SUGCT: variants seen among roughly 807,000 people sequenced by gnomAD.
SUGCT encodes the protein succinyl-CoA:glutarate-CoA transferase, also known as succinyl-CoA:glutarate CoA-transferase.
In SUGCT, 41 loss-of-function variants were observed where a neutral mutation model predicts 55.0. The ratio of observed to expected loss-of-function variants is 0.74; its 90% CI spans 0.58 to 0.97. The LOEUF is 0.97. Ranked by LOEUF, SUGCT falls within the 50% of genes least tolerant of loss-of-function variation. The pLI is 0.00. For missense variants in SUGCT, 568 were observed against 547.8 expected, an observed-to-expected ratio of 1.04 and a Z score of -0.37; for synonymous variants, 187 against 200.4, an observed-to-expected ratio of 0.93 and a Z score of 0.56.
At chr7:40,875,047 G>A in the SUGCT span, among the ~76,000 whole-genome samples, 12 of 152,300 alleles carry the variant, frequency 7.9e-5, no homozygotes, top group South Asian at 2.1e-4. Flanking sequence ...TTAAAATGGC[G>A]GTAGCAATTT....
chr7:40,958,580 C>G, the SUGCT span, among the ~76,000 whole-genome samples: 35 of 151,896 alleles, frequency 2.3e-4, no homozygotes, highest in Non-Finnish European at 1.8e-4. Flanking sequence ...TATCAAGGTT[C>G]TTAGCTTCCT....
At chr7:40,487,173 C>A (rs929069707) in intron 11 of SUGCT, among the ~76,000 whole-genome samples, 1 of 148,758 alleles carries the variant, frequency 6.7e-6, no homozygotes, top group Admixed American at 6.7e-5. Context: ...CAATCTCCAC[C>A]GCCCAGGTTC....
intron 6 of SUGCT, among the ~76,000 whole-genome samples, chr7:40,210,202 C>T (rs547174408): frequency 1.3e-5 from 2 of 152,002 alleles, no homozygotes; most frequent in East Asian, 1.9e-4. Context: ...TGTGCCACCA[C>T]GCCCAGCTAT....
At chr7:40,231,787 A>T (rs989377705) in intron 6 of SUGCT, among the ~76,000 whole-genome samples, 1 of 152,194 alleles carries the variant, frequency 6.6e-6, no homozygotes, top group African/African-American at 2.4e-5. Context: ...AAAGTAGTGT[A>T]CTGATTTACC....
intron 11 of SUGCT, among the ~76,000 whole-genome samples, chr7:40,465,924 C>G (rs1790081871): frequency 6.6e-6 from 1 of 152,060 alleles, no homozygotes; most frequent in Admixed American, 6.6e-5. Context: ...CTCTGTCACC[C>G]AGGCTAGCGT....
chr7:40,468,561 T>C (rs1161060647), intron 11 of SUGCT, among the ~76,000 whole-genome samples: 1 of 152,178 alleles, frequency 6.6e-6, no homozygotes, highest in Non-Finnish European at 1.5e-5. Flanking sequence ...CATGAAGGCT[T>C]TATTGAGCAC....
rs571517573 is a variant in SUGCT, at chr7:40,367,355, A to G, written c.816+50500A>G. Reference sequence around the variant, plus strand: ...TGGGTGCAGGACACCAGCATGGCACATGTATACATATGTAACTAACCTGCA... The same window carrying G: ...TGGGTGCAGGACACCAGCATGGCACGTGTATACATATGTAACTAACCTGCA... On this transcript the variant is annotated intron_variant, in intron 9 of 13. Coordinates refer to ENST00000335693, the MANE Select transcript of SUGCT (RefSeq NM_001193313.2). Among the ~76,000 whole-genome samples the G allele has an allele frequency of 1.3e-3, 193 of 151,990 alleles. 2 individuals are homozygous for G. The highest frequency in any genetic ancestry group is 4.4e-3 in the African/African-American group (182 of 41,440).
At chr7:40,390,471 G>A (rs1416725061) in intron 9 of SUGCT, among the ~76,000 whole-genome samples, 1 of 152,184 alleles carries the variant, frequency 6.6e-6, no homozygotes, top group East Asian at 1.9e-4. Context: ...AAAAATCACA[G>A]GCATTCCTAT....
intron 12 of SUGCT, among the ~76,000 whole-genome samples, chr7:40,512,961 C>T (rs1319558539): frequency 2.0e-5 from 3 of 152,120 alleles, no homozygotes; most frequent in Non-Finnish European, 4.4e-5. Context: ...CAGATAGACT[C>T]ATACCAGCAG....
At chr7:40,286,403 A>T (rs1210663568) in intron 8 of SUGCT, among the ~76,000 whole-genome samples, 3 of 152,122 alleles carry the variant, frequency 2.0e-5, no homozygotes, top group East Asian at 3.9e-4. Context: ...AAGTTTCATT[A>T]GGCCCACATG....
chr7:40,859,965 G>T (rs566713453), intron 13 of SUGCT, among the ~76,000 whole-genome samples: 4 of 152,164 alleles, frequency 2.6e-5, no homozygotes, highest in Non-Finnish European at 5.9e-5. Flanking sequence ...CGTTTCTGTG[G>T]TCACTGTTCT....
intron 8 of SUGCT, among the ~76,000 whole-genome samples, chr7:40,308,439 C>T (rs1794953189): frequency 6.6e-6 from 1 of 152,086 alleles, no homozygotes; most frequent in African/African-American, 2.4e-5. Flanking sequence ...ACTTTATTTG[C>T]TTTCATTCAT....
chr7:40,899,689 C>A, the SUGCT span, among the ~76,000 whole-genome samples: 2 of 151,990 alleles, frequency 1.3e-5, no homozygotes, highest in East Asian at 3.9e-4. Context: ...ATATCACCCC[C>A]ACAACACAGT....
chr7:40,870,078 G>T, the SUGCT span, among the ~76,000 whole-genome samples: 4 of 152,130 alleles, frequency 2.6e-5, no homozygotes, highest in African/African-American at 9.7e-5. Flanking sequence ...TTCTGAGACT[G>T]TACTAGTTCA....
At chr7:40,525,735 G>T (rs2151583826) in intron 12 of SUGCT, among the ~76,000 whole-genome samples, 1 of 152,256 alleles carries the variant, frequency 6.6e-6, no homozygotes, top group South Asian at 2.1e-4. Context: ...GGATCAAAAA[G>T]AAGTGCTTGA....
intron 12 of SUGCT, among the ~76,000 whole-genome samples, chr7:40,640,380 C>T (rs971611395): frequency 2.0e-5 from 3 of 152,112 alleles, no homozygotes; most frequent in African/African-American, 7.2e-5. Flanking sequence ...TGTCAGAGCC[C>T]ACCAATAAAT....
At chr7:40,632,453 C>A (rs915920767) in intron 12 of SUGCT, among the ~76,000 whole-genome samples, 1 of 150,074 alleles carries the variant, frequency 6.7e-6, no homozygotes, top group Non-Finnish European at 1.5e-5. Flanking sequence ...TTTATTTATT[C>A]ATTTTTATTT....
chr7:40,824,353 A>G (rs1792198155), intron 13 of SUGCT, among the ~76,000 whole-genome samples: 1 of 152,188 alleles, frequency 6.6e-6, no homozygotes, highest in Admixed American at 6.5e-5. Context: ...TATAAAGGTA[A>G]ATGGGTATGT....
At chr7:40,471,274 C>T (rs1790389579) in intron 11 of SUGCT, among the ~76,000 whole-genome samples, 1 of 151,890 alleles carries the variant, frequency 6.6e-6, no homozygotes, top group African/African-American at 2.4e-5. Context: ...TGCACACTAA[C>T]AAGCACAGGT....
Sources: gnomAD v4.1 joint callset for allele counts (sites outside exome capture counted in the v4.1 genomes callset) on GRCh38, gnomAD v4.1.1 for gene constraint, MANE v1.5 for transcripts, NCBI Gene and HGNC (gene_info 2026-07-23, HGNC 2026-07-21) for gene names.